Variants in CLDN10 observed in about 807,000 individuals in gnomAD.
CLDN10 encodes the protein claudin 10, also known as claudin-10.
Under a neutral mutation model 22.9 loss-of-function variants are expected in CLDN10, and 15 were observed. That is an observed-to-expected ratio of 0.65 (90% CI 0.44 to 1.01). The LOEUF (loss-of-function observed/expected upper bound fraction) is 1.01. Among genes scored for constraint, CLDN10 ranks in the 50% least tolerant of loss-of-function variants. The pLI, the probability that CLDN10 is intolerant of heterozygous loss-of-function variation, is 0.00. For synonymous variants in CLDN10, 114 were observed against 111.4 expected (o/e 1.02, Z -0.15); for missense variants, 247 against 287.8 (o/e 0.86, Z 1.03).
At chr13:95,436,808 A>G (rs2042276833) in intron 1 of CLDN10, among the ~76,000 whole-genome samples, 1 of 152,222 alleles carries the variant, frequency 6.6e-6, no homozygotes, top group African/African-American at 2.4e-5. Context: ...TTCCTATTTG[A>G]AAACATAACA....
At chr13:95,472,679 A>AAAAG (rs925269302) in intron 1 of CLDN10, among the ~76,000 whole-genome samples, 1 of 151,932 alleles carries the variant, frequency 6.6e-6, no homozygotes, top group African/African-American at 2.4e-5. Flanking sequence ...CAAAAAAAAA[A>AAAAG]AAAAAAATAG....
At chr13:95,561,915 A>T (rs2043718447) in intron 3 of CLDN10, among the ~76,000 whole-genome samples, 1 of 150,612 alleles carries the variant, frequency 6.6e-6, no homozygotes, top group Non-Finnish European at 1.5e-5. Context: ...TATATGTGCC[A>T]CCACAACCAG....
chr13:95,534,635 A>G (rs535115085), intron 1 of CLDN10, among the ~76,000 whole-genome samples: 1 of 152,330 alleles, frequency 6.6e-6, no homozygotes, highest in African/African-American at 2.4e-5. Context: ...AATAACTACT[A>G]CTAGTAGGAG....
intron 3 of CLDN10, among the ~76,000 whole-genome samples, chr13:95,562,948 T>C (rs2043734397): frequency 6.6e-6 from 1 of 152,224 alleles, no homozygotes; most frequent in Non-Finnish European, 1.5e-5. Flanking sequence ...CATTGGAATT[T>C]CTTATTCTCT....
chr13:95,450,416 T>C (rs1226868527), intron 1 of CLDN10, among the ~76,000 whole-genome samples: 1 of 152,212 alleles, frequency 6.6e-6, no homozygotes, highest in Admixed American at 6.5e-5. Flanking sequence ...TTAAGAGCCC[T>C]TCCCTCTTTT....
chr13:95,463,329 C>CT (rs2042554668), intron 1 of CLDN10, among the ~76,000 whole-genome samples: 3 of 22,052 alleles, frequency 1.4e-4, no homozygotes, highest in Non-Finnish European at 3.1e-4. Context: ...TATATATTTG[C>CT]CTTTTTTTTT....
At chr13:95,502,590 G>A (rs147951411) in intron 1 of CLDN10, among the ~76,000 whole-genome samples, 1 of 152,322 alleles carries the variant, frequency 6.6e-6, no homozygotes, top group Non-Finnish European at 1.5e-5. Flanking sequence ...CATGATCTCA[G>A]CTCACTGTAA....
intron 1 of CLDN10, among the ~76,000 whole-genome samples, chr13:95,489,568 G>A (rs190583992): frequency 6.6e-6 from 1 of 152,028 alleles, no homozygotes; most frequent in Non-Finnish European, 1.5e-5. Flanking sequence ...ACTTTTTGAT[G>A]GGATTTTTTT....
intron 1 of CLDN10, among the ~76,000 whole-genome samples, chr13:95,509,807 G>A (rs1300397810): frequency 2.6e-5 from 4 of 151,860 alleles, no homozygotes; most frequent in South Asian, 2.1e-4. Flanking sequence ...CTCTACCTCC[G>A]ACTCCTTACT....
chr13:95,483,549 C>T (rs1288472994), intron 1 of CLDN10, among the ~76,000 whole-genome samples: 1 of 152,148 alleles, frequency 6.6e-6, no homozygotes, highest in Non-Finnish European at 1.5e-5. Flanking sequence ...CCCCAGAAAC[C>T]AGACTCTAAA....
chr13:95,561,265 A>C (rs1486892238), intron 3 of CLDN10, among the ~76,000 whole-genome samples: 1 of 152,172 alleles, frequency 6.6e-6, no homozygotes, highest in African/African-American at 2.4e-5. Context: ...TTTAGACTTC[A>C]GGTCAAATTT....
Position 95,553,634 on chromosome 13 carries a change from C to T in CLDN10, c.220+661C>T, listed in dbSNP as rs2043596698. On this transcript the variant is annotated intron_variant, in intron 1 of 4. Transcript: ENST00000299339. ...GAAAATAATAGCCCTTGCGGTGCCG[C>T]GATGAGTCCGCAGAGGGTAGGGAAT... is the stretch of plus-strand genomic sequence containing the variant. 2.0e-5 allele frequency among the ~76,000 whole-genome samples: 3 copies of T among 152,364 alleles called. 1 individual carries two copies. In the South Asian group the frequency reaches 6.2e-4, roughly 32 times the overall value.
Position 95,480,541 on chromosome 13 carries a change from C to T in CLDN10, c.214+46494C>T, listed in dbSNP as rs377042421. Among the ~76,000 whole-genome samples the T allele has an allele frequency of 2.2e-4, 34 of 152,310 alleles. No homozygotes were observed. In the South Asian group the frequency reaches 6.2e-3, roughly 28 times the overall value. ...TGGTTCCTTTTCTTCTCCCCTGAAG[C>T]TCCTGCCCACTGGGAGCCAGCTCCT... is the stretch of plus-strand genomic sequence containing the variant. On this transcript the variant is annotated intron_variant, in intron 1 of 4. Transcript: ENST00000376873.
chr13:95,511,137 A>T (rs976247286), intron 1 of CLDN10, among the ~76,000 whole-genome samples: 1 of 152,194 alleles, frequency 6.6e-6, no homozygotes. Context: ...CAGAATTAGG[A>T]TTTGACAACC....
chr13:95,448,716 A>G (rs532534614), intron 1 of CLDN10, among the ~76,000 whole-genome samples: 2 of 149,074 alleles, frequency 1.3e-5, no homozygotes, highest in Non-Finnish European at 2.9e-5. Context: ...CCACTAAGCC[A>G]TAGTATTTTA....
At chr13:95,574,547 A>G (rs1295942015) in intron 3 of CLDN10, among the ~76,000 whole-genome samples, 2 of 152,210 alleles carry the variant, frequency 1.3e-5, no homozygotes, top group African/African-American at 4.8e-5. Flanking sequence ...AGGTGGGTGG[A>G]TCACCTGAGG....
chr13:95,460,010 T>C (rs1344023255), intron 1 of CLDN10, among the ~76,000 whole-genome samples: 1 of 152,164 alleles, frequency 6.6e-6, no homozygotes, highest in East Asian at 1.9e-4. Flanking sequence ...ATCATCTCTC[T>C]CAAGTTCAAA....
chr13:95,467,542 T>A (rs2042592707), intron 1 of CLDN10, among the ~76,000 whole-genome samples: 1 of 151,704 alleles, frequency 6.6e-6, no homozygotes, highest in Non-Finnish European at 1.5e-5. Flanking sequence ...GGGGGGCAAT[T>A]TATTTGTTGA....
intron 1 of CLDN10, among the ~76,000 whole-genome samples, chr13:95,475,994 A>C (rs1292883033): frequency 6.6e-6 from 1 of 152,146 alleles, no homozygotes; most frequent in Non-Finnish European, 1.5e-5. Context: ...AATCTCTGCC[A>C]TCTAATTCCA....
Sources: gnomAD v4.1 joint callset for allele counts (sites outside exome capture counted in the v4.1 genomes callset) on GRCh38, gnomAD v4.1.1 for gene constraint, MANE v1.5 for transcripts, NCBI Gene and HGNC (gene_info 2026-07-23, HGNC 2026-07-21) for gene names.